Variants in VWF observed in about 807,000 individuals in gnomAD.
VWF encodes the protein von Willebrand factor, also known as Factor VIII related antigen.
Under a neutral mutation model 308.6 loss-of-function variants are expected in VWF, and 176 were observed. The ratio of observed to expected loss-of-function variants is 0.57; its 90% confidence interval spans 0.50 to 0.65. The LOEUF is 0.65. Ranked by LOEUF, VWF falls within the 30% of genes least tolerant of loss-of-function variation. VWF has a pLI of 0.00. For synonymous variants in VWF, 1,385 were observed against 1,443.4 expected (o/e 0.96, Z 0.92); for missense variants, 3,146 against 3,648.2 (o/e 0.86, Z 3.55).
chr12:6,025,763 C>G (rs1230686401), intron 23 of VWF, 70 bp from the exon 24 acceptor site: 1 of 1,493,258 alleles, frequency 6.7e-7, no homozygotes, highest in East Asian at 2.3e-5. Context: ...CAGAAGGATC[C>G]AAGAGACCCT....
At chr12:6,119,135 C>A (rs1179354262) in intron 3 of VWF, among the ~76,000 whole-genome samples, 1 of 152,218 alleles carries the variant, frequency 6.6e-6, no homozygotes, top group Admixed American at 6.5e-5. Context: ...TCACAGCCTG[C>A]GGAATCGACT....
At chr12:6,056,518 G>A (rs531365635) in intron 15 of VWF, among the ~76,000 whole-genome samples, 76 of 152,228 alleles carry the variant, frequency 5.0e-4, no homozygotes, top group African/African-American at 1.7e-3. Context: ...GGACCCATTC[G>A]CTCCACAGCC....
intron 38 of VWF, among the ~76,000 whole-genome samples, chr12:5,987,982 A>G (rs112583615): frequency 0.012 from 1,791 of 152,324 alleles, 43 homozygotes; most frequent in African/African-American, 0.04. Flanking sequence ...GTGGCATGTA[A>G]ATTATATCTC....
At chr12:6,107,592 C>T (rs1945257078) in intron 5 of VWF, among the ~76,000 whole-genome samples, 1 of 151,926 alleles carries the variant, frequency 6.6e-6, no homozygotes, top group African/African-American at 2.4e-5. Flanking sequence ...AGATTGAAGG[C>T]AAAAAGCACT....
intron 40 of VWF, among the ~76,000 whole-genome samples, chr12:5,983,734 ATAGAT>A (rs1310471470): frequency 6.6e-6 from 1 of 151,828 alleles, no homozygotes; most frequent in Admixed American, 6.6e-5. Context: ...CACAGGTTAG[ATAGAT>A]TAGACAGACA....
At chr12:6,076,274 C>T (rs1431369937) in intron 6 of VWF, among the ~76,000 whole-genome samples, 1 of 152,236 alleles carries the variant, frequency 6.6e-6, no homozygotes, top group Non-Finnish European at 1.5e-5. Context: ...CTTCTGCTCA[C>T]TCACGAGTAT....
intron 16 of VWF, among the ~76,000 whole-genome samples, chr12:6,047,164 C>CA (rs938466336): frequency 6.6e-6 from 1 of 152,150 alleles, no homozygotes; most frequent in African/African-American, 2.4e-5. Context: ...CCTGGCCTTT[C>CA]AATATCGGCC....
rs1033247332 is a variant in VWF, at chr12:6,013,391, G to A, written c.5620+90C>T. 2.7e-5 allele frequency: 41 copies of A among 1,513,814 alleles called. 1 individual carries two copies. The highest frequency in any genetic ancestry group is 4.2e-5 in the African/African-American group (3 of 72,180). 93.8% of individuals were successfully genotyped at this position (1,513,814 alleles called of 1,614,324 possible). The stretch of plus-strand genomic sequence containing the variant: ...GCCAAATCTTATGCATGGGCACCCT[G>A]GGGTCTCTTGAATACTATTTTTGTT... On this transcript the variant is annotated intron_variant, in intron 32 of 51. Coordinates refer to ENST00000261405, the MANE Select transcript of VWF (RefSeq NM_000552.5).
Position 5,949,030 on chromosome 12 carries a change from C to T in VWF, c.8427G>A (p.Arg2809=). The T allele has an allele frequency of 6.2e-7, 1 of 1,613,454 alleles. No homozygotes were observed. The highest frequency in any genetic ancestry group is 8.5e-7 in the Non-Finnish European group (1 of 1,179,754). Residue 2809 remains arginine (R), a synonymous_variant, in exon 52 of 52, where the codon AGG becomes AGA. Transcript: ENST00000261405. The stretch of plus-strand genomic sequence containing the variant: ...TGCAGCAGCCTCACTTGCTGCACTT[C>T]CTGGGGGAGCATTTGCACTCCATGG... ...LNAMECKCSP[R]KCSK
At chr12:6,002,118 C>T (rs1007770154) in intron 34 of VWF, among the ~76,000 whole-genome samples, 7 of 151,548 alleles carry the variant, frequency 4.6e-5, no homozygotes, top group Non-Finnish European at 7.4e-5. Flanking sequence ...ACATTTCTGT[C>T]AATAAAAATA....
chr12:6,123,503 A>G (rs1945454179), intron 1 of VWF, among the ~76,000 whole-genome samples: 1 of 152,164 alleles, frequency 6.6e-6, no homozygotes, highest in Non-Finnish European at 1.5e-5. Flanking sequence ...TGGGCCTCAC[A>G]TCCCTGCCTC....
At chr12:5,961,888 G>A (rs571713244) in intron 47 of VWF, among the ~76,000 whole-genome samples, 65 of 151,954 alleles carry the variant, frequency 4.3e-4, no homozygotes, top group African/African-American at 1.3e-3. Context: ...CCCAACTGAT[G>A]ATATTAAGAG....
At position 5,994,530 on chromosome 12, in the gene VWF, C is replaced by T; in HGVS notation, c.6141G>A (p.Met2047Ile). The T allele has an allele frequency of 6.2e-7, 1 of 1,614,050 alleles. No homozygotes were observed. Among genetic ancestry groups the T allele is most frequent in the Non-Finnish European group, 8.5e-7 (1 of 1,179,928 alleles). Reference sequence around the variant, plus strand: ...CAAGGTGATTGAATCTGACCTCATGCATGATGGCACCATAAACGTTGACTT... The same window carrying T: ...CAAGGTGATTGAATCTGACCTCATGTATGATGGCACCATAAACGTTGACTT... ...NMEVNVYGAI[M>I]HEVRFNHLGH... is the part of the protein sequence containing the mutation. The change falls in exon 36 of 52, where the codon ATG (methionine) becomes ATA (isoleucine). Residue 2047 changes from methionine to isoleucine, a missense_variant. Around this residue, in one of 3 missense-constraint regions of VWF, gnomAD observed 989 missense variants for 1,117.4 expected, o/e 0.89. Transcript: ENST00000261405.
chr12:6,033,610 C>T (rs1329327276), intron 20 of VWF, among the ~76,000 whole-genome samples: 2 of 152,240 alleles, frequency 1.3e-5, no homozygotes, highest in African/African-American at 4.8e-5. Flanking sequence ...GGCGCATATC[C>T]CCCCGGATCA....
At chr12:6,099,257 T>C (rs1945136114) in intron 5 of VWF, among the ~76,000 whole-genome samples, 2 of 145,980 alleles carry the variant, frequency 1.4e-5, no homozygotes, top group Non-Finnish European at 3.0e-5. Flanking sequence ...CAGAGGAGGT[T>C]GCAGTGAGCC....
Position 6,021,920 on chromosome 12 carries a change from G to A in VWF, c.3654C>T (p.Asp1218=), listed in dbSNP as rs746935137. The A allele has an allele frequency of 1.6e-5, 26 of 1,614,050 alleles. No individual in the cohort carries two copies. Among genetic ancestry groups the A allele is most frequent in the Non-Finnish European group, 2.1e-5 (25 of 1,180,036 alleles). ...TTTACCAAATCTGGCAGTGCTCAGG[G>A]TCACTGGGATTCAAGGTGACTTTCT... The part of the protein sequence containing the change: ...SGKKVTLNPS[D]PEHCQICHCD... Residue 1218 remains aspartate (D), a synonymous_variant, in exon 27 of 52, where the codon GAC becomes GAT. Transcript: ENST00000261405.
At chr12:6,050,736 G>A (rs1565843961) in intron 16 of VWF, among the ~76,000 whole-genome samples, 1 of 152,164 alleles carries the variant, frequency 6.6e-6, no homozygotes, top group Non-Finnish European at 1.5e-5. Flanking sequence ...GAGGCGGGCA[G>A]ATCATTTGAG....
chr12:6,088,418 G>A (rs1018993401), intron 6 of VWF, among the ~76,000 whole-genome samples: 3 of 151,252 alleles, frequency 2.0e-5, no homozygotes, highest in Non-Finnish European at 4.4e-5. Flanking sequence ...GGCGGAGCTT[G>A]CAGTGAGCCA....
chr12:6,080,542 G>T (rs143224411), intron 6 of VWF, among the ~76,000 whole-genome samples: 45 of 152,312 alleles, frequency 3.0e-4, no homozygotes, highest in Non-Finnish European at 5.9e-4. Flanking sequence ...TAGGCTGCAG[G>T]GCAGGAGGGA....
Sources: gnomAD v4.1 joint callset for allele counts (sites outside exome capture counted in the v4.1 genomes callset) on GRCh38, gnomAD v4.1.1 for gene constraint, gnomAD v4.1.1 regional missense constraint, MANE v1.5 for transcripts, NCBI Gene and HGNC (gene_info 2026-07-23, HGNC 2026-07-21) for gene names.